Variants in BRCA1 observed in about 807,000 individuals in gnomAD.
The protein encoded by BRCA1 is breast cancer type 1 susceptibility protein.
A neutral mutation model predicts 173.7 loss-of-function variants in BRCA1; 140 were observed. The observed-to-expected ratio is 0.81, with a 90% CI of 0.70 to 0.93. The LOEUF (loss-of-function observed/expected upper bound fraction) is 0.93. Ranked by LOEUF, BRCA1 falls within the 40% of genes least tolerant of loss-of-function variation. The pLI, the probability that BRCA1 is intolerant of heterozygous loss-of-function variation, is 0.00. For synonymous variants in BRCA1, 662 were observed against 756.0 expected, an observed-to-expected ratio of 0.88 and a Z score of 2.04; for missense variants, 1,983 against 2,172.5, an observed-to-expected ratio of 0.91 and a Z score of 1.73.
rs587779368 is a variant in BRCA1 at position 43,091,976 on chromosome 17, C to A, written c.3555G>T (p.Glu1185Asp). ...AVFSKSVQKG[E>D]LSRSPSPFTH... ...TGAAAGGGCTAGGACTCCTGCTAAG[C>A]TCTCCTTTCTGGACGCTTTTGCTAA... The change falls in exon 10 of 23, where the codon GAG (glutamate) becomes GAT (aspartate). Residue 1185 changes from glutamate to aspartate, a missense_variant. By Grantham distance (45) the Glu-to-Asp change is conservative (BLOSUM62 2). Transcript: ENST00000357654. The A allele has an allele frequency of 1.9e-6, 3 of 1,614,150 alleles. No homozygotes were observed.
chr17:43,068,155 T>C (rs1433074100), intron 15 of BRCA1, among the ~76,000 whole-genome samples: 1 of 151,576 alleles, frequency 6.6e-6, no homozygotes, highest in Non-Finnish European at 1.5e-5. Flanking sequence ...CGGGCACCTG[T>C]AGTCTCAGCT....
intron 1 of BRCA1, chr17:43,160,280 A>C (rs912081684): frequency 5.3e-5 from 8 of 151,916 alleles, no homozygotes; most frequent in African/African-American, 1.7e-4. Flanking sequence ...AACTCCTCAG[A>C]CACCGAGTTA....
chr17:43,094,324 A>C lies in BRCA1; in HGVS notation c.1207T>G (p.Ser403Ala), dbSNP rs1555592200. 1.2e-6 allele frequency: 2 copies of C among 1,613,864 alleles called. No individual in the cohort carries two copies. The highest frequency in any genetic ancestry group is 8.5e-7 in the Non-Finnish European group (1 of 1,179,942). The part of the protein sequence containing the change: ...LGSDDSHDGE[S>A]ESNAKVADVL... Reference sequence around the variant, plus strand: ...TCAGCTACTTTGGCATTTGATTCAGACTCCCCATCATGTGAGTCATCAGAA... The same window carrying C: ...TCAGCTACTTTGGCATTTGATTCAGCCTCCCCATCATGTGAGTCATCAGAA... The change falls in exon 10 of 23, where the codon TCT becomes GCT. Residue 403 changes from serine to alanine, a missense_variant. By Grantham distance (99) the Ser-to-Ala change is moderately conservative. Coordinates refer to ENST00000357654, the MANE Select transcript of BRCA1 (RefSeq NM_007294.4).
chr17:43,115,684 A>G (rs759508496), intron 3 of BRCA1, 42 bp downstream of exon 3: 39 of 1,593,622 alleles, frequency 2.4e-5, no homozygotes, highest in Non-Finnish European at 3.3e-5. Context: ...AAGGACAAAA[A>G]CAAAAGCTAA....
chr17:43,101,643 C>T (rs568955934), intron 6 of BRCA1, among the ~76,000 whole-genome samples: 1 of 152,144 alleles, frequency 6.6e-6, no homozygotes, highest in East Asian at 1.9e-4. Flanking sequence ...GCTGGGATTA[C>T]AGGTACGTGC....
intron 1 of BRCA1, among the ~76,000 whole-genome samples, chr17:43,137,582 C>G (rs1019742293): frequency 1.1e-4 from 16 of 152,100 alleles, no homozygotes; most frequent in African/African-American, 3.9e-4. Flanking sequence ...GGTGTATTTT[C>G]AGAACCTGAA....
At chr17:43,053,963 T>C (rs1393877442) in intron 19 of BRCA1, among the ~76,000 whole-genome samples, 1 of 151,034 alleles carries the variant, frequency 6.6e-6, no homozygotes, top group East Asian at 1.9e-4. Context: ...GAGCAAAGCT[T>C]CGTCTTAAAA....
chr17:43,163,975 C>G (rs2056251790), intron 1 of BRCA1: 1 of 152,224 alleles, frequency 6.6e-6, no homozygotes, highest in Admixed American at 6.5e-5. Context: ...AAAGAGCTAC[C>G]AGGCAGCCCA....
At chr17:43,168,340 A>C (rs375113310) in intron 1 of BRCA1, 21 of 336,178 alleles carry the variant, frequency 6.2e-5, no homozygotes, top group African/African-American at 4.7e-4. Flanking sequence ...TTATCATTTT[A>C]AAATAAGGTA....
chr17:43,086,900 C>T (rs184247228), intron 11 of BRCA1, among the ~76,000 whole-genome samples: 22 of 152,276 alleles, frequency 1.4e-4, no homozygotes, highest in Admixed American at 1.4e-3. Flanking sequence ...AGTGGGGAGT[C>T]ATCTCAAAGG....
intron 18 of BRCA1, among the ~76,000 whole-genome samples, chr17:43,060,906 A>C (rs1294739817): frequency 6.6e-6 from 1 of 152,010 alleles, no homozygotes; most frequent in African/African-American, 2.4e-5. Context: ...TGGTTGGATC[A>C]CTTGAGTTCA....
At position 43,095,093 on chromosome 17, in the gene BRCA1, T is replaced by A. The variant is rs896199530; in HGVS notation, c.671-233A>T. 3.0e-5 allele frequency among the ~76,000 whole-genome samples: 4 copies of A among 134,596 alleles called. No individual in the cohort carries two copies. In the Admixed American group the frequency reaches 3.0e-4, roughly 10 times the overall value. 88.3% of individuals were successfully genotyped at this position (134,596 alleles called of 152,430 possible). ...ATTTTTAATTTCAGAATTTTCCCTA[T>A]GCAGAAACCACACCTATTTCTCTAA... On this transcript the variant is annotated intron_variant, in intron 9 of 22. Transcript: ENST00000357654.
Position 43,138,386 on chromosome 17 carries a change from A to G in BRCA1, c.-19-14271T>C, listed in dbSNP as rs1597934602. On this transcript the variant is annotated intron_variant, in intron 1 of 7. Coordinates refer to the BRCA1 transcript ENST00000634433. ...GTCGGTCCCAGGTGTTTCTCCAATC[A>G]ACTCAGGGCATGGTTGTGTGTCACC... The G allele has an allele frequency of 1.2e-5, 6 of 520,110 alleles. No individual in the cohort carries two copies. In the East Asian group the frequency reaches 2.1e-4, roughly 18 times the overall value. The allele number at this position is 520,110 out of a possible 1,614,324, so 32.2% of individuals were successfully genotyped here.
At chr17:43,063,487 G>A in intron 17 of BRCA1, 114 bp from the exon 18 acceptor site, 1 of 874,754 alleles carries the variant, frequency 1.1e-6, no homozygotes, top group Non-Finnish European at 1.9e-6. Flanking sequence ...CAGAGGAGAG[G>A]TCCTTCCCTC....
chr17:43,104,766 AC>A, intron 5 of BRCA1, 101 bp downstream of exon 5: 1 of 1,034,638 alleles, frequency 9.7e-7, no homozygotes, highest in Admixed American at 1.7e-5. Flanking sequence ...ATTAACCTAG[AC>A]TAAAAGGTCT....
In BRCA1 at chr17:43,092,842, G is replaced by C. The variant is rs770583134; in HGVS notation, c.2689C>G (p.Pro897Ala). Residue 897 changes from proline to alanine, a missense_variant, in exon 10 of 23, where the codon CCA (proline) becomes GCA (alanine). Pro to Ala is a conservative substitution (Grantham distance 27). Coordinates refer to ENST00000357654, the MANE Select transcript of BRCA1 (RefSeq NM_007294.4). The stretch of plus-strand genomic sequence containing the variant: ...TGTTCACATTCAAAAGTGACTTTTG[G>C]ACTTTGTTTCTTTAAGGACCCAGAG... ...AHSGSLKKQS[P>A]KVTFECEQKE... is the part of the protein sequence containing the mutation. The C allele has an allele frequency of 1.2e-6, 2 of 1,613,812 alleles. No individual in the cohort carries two copies. Among genetic ancestry groups the C allele is most frequent in the South Asian group, 2.2e-5 (2 of 91,060 alleles).
chr17:43,100,016 A>G (rs2054315475), intron 6 of BRCA1, 136 bp from the exon 7 acceptor site: 8 of 750,842 alleles, frequency 1.1e-5, no homozygotes, highest in East Asian at 7.7e-5. Flanking sequence ...CCTGGAAAAA[A>G]TGCCCAGGAA....
chr17:43,074,794 G>T (rs111621189), intron 13 of BRCA1, among the ~76,000 whole-genome samples: 101 of 152,144 alleles, frequency 6.6e-4, no homozygotes, highest in African/African-American at 2.3e-3. Context: ...GGTGGCTGGC[G>T]CCTGTAATCT....
At chr17:43,045,880 T>C (rs991334004) in intron 22 of BRCA1, 78 bp from the exon 23 acceptor site, 1 of 1,589,760 alleles carries the variant, frequency 6.3e-7, no homozygotes, top group Admixed American at 1.7e-5. Flanking sequence ...GACTCCAGGG[T>C]CCTGGTTGTA....
Sources: gnomAD v4.1 joint callset for allele counts (sites outside exome capture counted in the v4.1 genomes callset) on GRCh38, gnomAD v4.1.1 for gene constraint, MANE v1.5 for transcripts, NCBI Gene and HGNC (gene_info 2026-07-23, HGNC 2026-07-21) for gene names.